Variants in UNC5C observed in about 807,000 individuals in gnomAD.
The protein encoded by UNC5C is netrin receptor UNC5C.
In UNC5C, 47 loss-of-function variants were observed where a neutral mutation model predicts 99.8. The ratio of observed to expected loss-of-function variants is 0.47; its 90% CI spans 0.37 to 0.60. The LOEUF is 0.60. Among genes scored for constraint, UNC5C ranks in the 20% least tolerant of loss-of-function variants. The pLI, the probability that UNC5C is intolerant of heterozygous loss-of-function variation, is 0.00. For missense variants in UNC5C, 1,062 were observed against 1,165.9 expected, an observed-to-expected ratio of 0.91 and a Z score of 1.30; for synonymous variants, 487 against 452.2, an observed-to-expected ratio of 1.08 and a Z score of -0.98.
intron 3 of UNC5C, among the ~76,000 whole-genome samples, chr4:95,299,167 G>T (rs1197348110): frequency 2.0e-5 from 3 of 152,080 alleles, no homozygotes; most frequent in Non-Finnish European, 4.4e-5. Flanking sequence ...CTGTTAGGGT[G>T]GGCCCCAACC....
At chr4:95,229,797 CTTTT>C (rs71583694) in intron 7 of UNC5C, among the ~76,000 whole-genome samples, 1,113 of 79,212 alleles carry the variant, frequency 0.014, 2 homozygotes, top group African/African-American at 0.068. Context: ...CTGTTGTTTC[CTTTT>C]TTTTTTTTTT....
At chr4:95,183,092 G>A (rs374992226) in intron 13 of UNC5C, 31 bp from the exon 14 acceptor site, 147 of 1,580,862 alleles carry the variant, frequency 9.3e-5, no homozygotes, top group Non-Finnish European at 1.2e-4. Flanking sequence ...AACCACAATT[G>A]AAGGACTAAT....
intron 1 of UNC5C, among the ~76,000 whole-genome samples, chr4:95,465,188 AAGAC>A (rs1301282337): frequency 5.3e-5 from 8 of 152,310 alleles, no homozygotes; most frequent in African/African-American, 1.9e-4. Context: ...AACAGCCACA[AAGAC>A]AGAGGAATGC....
chr4:95,249,750 G>A (rs1443510134), intron 5 of UNC5C, among the ~76,000 whole-genome samples: 1 of 152,164 alleles, frequency 6.6e-6, no homozygotes, highest in Non-Finnish European at 1.5e-5. Context: ...CCAGGGTGTG[G>A]GAGGAATCTT....
At chr4:95,460,810 A>G (rs1560841447) in intron 1 of UNC5C, among the ~76,000 whole-genome samples, 1 of 152,182 alleles carries the variant, frequency 6.6e-6, no homozygotes. Flanking sequence ...TAACATAACC[A>G]TGGGAGTGAT....
intron 1 of UNC5C, among the ~76,000 whole-genome samples, chr4:95,542,058 A>G (rs1722934642): frequency 2.0e-5 from 3 of 152,118 alleles, no homozygotes; most frequent in Admixed American, 2.0e-4. Flanking sequence ...TAGCCACAGG[A>G]TCCACATGAC....
chr4:95,244,900 G>T, intron 6 of UNC5C, 77 bp downstream of exon 6: 1 of 1,542,948 alleles, frequency 6.5e-7, no homozygotes, highest in East Asian at 2.3e-5. Context: ...CAAGAATAAA[G>T]TCTGTGTATC....
In UNC5C at chr4:95,430,269, A is replaced by G. The variant is rs530268593; in HGVS notation, c.125-94638T>C. Among the ~76,000 whole-genome samples the G allele has an allele frequency of 5.9e-5, 9 of 152,186 alleles. No homozygotes were observed. In the East Asian group the frequency reaches 1.7e-3, roughly 29 times the overall value. Reference sequence around the variant, plus strand: ...CTATGCATATGTGGGAGGGAGTGCCATCTGTGGGATAGCTCTGTACCTCTC... The same window carrying G: ...CTATGCATATGTGGGAGGGAGTGCCGTCTGTGGGATAGCTCTGTACCTCTC... On this transcript the variant is annotated intron_variant, in intron 1 of 15. Transcript: ENST00000453304.
chr4:95,198,956 T>C (rs552737131), intron 12 of UNC5C, among the ~76,000 whole-genome samples: 1 of 152,008 alleles, frequency 6.6e-6, no homozygotes, highest in Non-Finnish European at 1.5e-5. Flanking sequence ...CAGGGAGTAT[T>C]AAGAAAATAA....
rs187008483 is a variant in UNC5C at position 95,321,865 on chromosome 4, A to G, written c.346+13545T>C. Among the ~76,000 whole-genome samples, 3 of 152,324 alleles carry G rather than the reference A, an allele frequency of 2.0e-5. No individual in the cohort carries two copies. In the East Asian group the frequency reaches 5.8e-4, roughly 29 times the overall value. On this transcript the variant is annotated intron_variant, in intron 2 of 15. Transcript: ENST00000453304. Reference sequence around the variant, plus strand: ...CTCAGTGAAACAGACTTCATGTACTACATGGGTCCTTATCAATTTTCTATT... The same window carrying G: ...CTCAGTGAAACAGACTTCATGTACTGCATGGGTCCTTATCAATTTTCTATT...
chr4:95,305,706 TAA>T (rs1231190207), intron 2 of UNC5C, among the ~76,000 whole-genome samples: 1 of 152,214 alleles, frequency 6.6e-6, no homozygotes. Context: ...TTTGTTTTTA[TAA>T]TAGGATTTGT....
chr4:95,439,314 G>C (rs1490266511), intron 1 of UNC5C, among the ~76,000 whole-genome samples: 1 of 151,670 alleles, frequency 6.6e-6, no homozygotes, highest in African/African-American at 2.4e-5. Context: ...TTCAAAGGCT[G>C]TTTGAACCAT....
chr4:95,256,252 C>T (rs1579272282), intron 4 of UNC5C, among the ~76,000 whole-genome samples: 2 of 152,100 alleles, frequency 1.3e-5, no homozygotes, highest in East Asian at 1.9e-4. Context: ...CAGACCCCAC[C>T]GCTGATCTCC....
At chr4:95,459,929 A>C (rs1029921183) in intron 1 of UNC5C, among the ~76,000 whole-genome samples, 6 of 152,204 alleles carry the variant, frequency 3.9e-5, no homozygotes, top group African/African-American at 1.2e-4. Flanking sequence ...ATGAAATATA[A>C]TTCCTATAAC....
At chr4:95,428,174 A>G (rs1746536899) in intron 1 of UNC5C, among the ~76,000 whole-genome samples, 1 of 152,020 alleles carries the variant, frequency 6.6e-6, no homozygotes, top group Non-Finnish European at 1.5e-5. Flanking sequence ...TAATTTTTAA[A>G]ATGTGCAATC....
At chr4:95,330,219 C>T (rs889771483) in intron 2 of UNC5C, among the ~76,000 whole-genome samples, 89 of 152,134 alleles carry the variant, frequency 5.9e-4, no homozygotes, top group Admixed American at 8.5e-4. Context: ...ACTTCTTTAG[C>T]ATTATATTTA....
chr4:95,464,910 TG>T (rs1482714755), intron 1 of UNC5C, among the ~76,000 whole-genome samples: 1 of 152,198 alleles, frequency 6.6e-6, no homozygotes, highest in East Asian at 1.9e-4. Context: ...ATTTTCACTT[TG>T]GGCTAAATAA....
intron 1 of UNC5C, among the ~76,000 whole-genome samples, chr4:95,424,092 TG>T (rs1023372435): frequency 4.6e-5 from 7 of 152,262 alleles, no homozygotes; most frequent in African/African-American, 1.7e-4. Context: ...ACCTTTTAAA[TG>T]GGGGAAATTA....
intron 9 of UNC5C, among the ~76,000 whole-genome samples, 178 bp from the exon 10 acceptor site, chr4:95,216,389 C>T (rs1254622266): frequency 2.6e-5 from 4 of 152,170 alleles, no homozygotes; most frequent in Admixed American, 6.5e-5. Flanking sequence ...TCCCTCTGAA[C>T]TCTTATGCAA....
Sources: gnomAD v4.1 joint callset for allele counts (sites outside exome capture counted in the v4.1 genomes callset) on GRCh38, gnomAD v4.1.1 for gene constraint, MANE v1.5 for transcripts, NCBI Gene and HGNC (gene_info 2026-07-23, HGNC 2026-07-21) for gene names.